The following LRRD1 variants were observed in gnomAD, a reference collection of about 807,000 sequenced individuals.
LRRD1 encodes leucine rich repeats and death domain containing 1.
Under a neutral mutation model 69.5 loss-of-function variants are expected in LRRD1, and 49 were observed. The ratio of observed to expected loss-of-function variants is 0.70; its 90% CI spans 0.56 to 0.89. LRRD1 has a LOEUF of 0.89. LRRD1 is among the 40% of genes least tolerant of loss of function. LRRD1 has a pLI of 0.00. For synonymous variants in LRRD1, 303 were observed against 338.9 expected (o/e 0.89, Z 1.16); for missense variants, 853 against 956.0 (o/e 0.89, Z 1.42).
Position 92,144,909 on chromosome 7 carries a change from A to T in LRRD1, c.2562T>A (p.Phe854Leu). 1 of 1,500,794 alleles carries T rather than the reference A, an allele frequency of 6.7e-7. No homozygotes were observed. Among genetic ancestry groups the T allele is most frequent in the East Asian group, 2.5e-5 (1 of 40,034 alleles). 93.0% of individuals were successfully genotyped at this position (1,500,794 alleles called of 1,614,324 possible). A position where few individuals can be genotyped will look rare whatever the true frequency, so the allele number is the denominator to read the frequency against. The change falls in exon 6 of 6, where the codon TTT (phenylalanine) becomes TTA (leucine). Residue 854 changes from phenylalanine to leucine, a missense_variant. This residue lies in a region of LRRD1 where 739 missense variants were observed against 808.0 expected (regional missense o/e 0.91). Coordinates refer to ENST00000458448, the MANE Select transcript of LRRD1 (RefSeq NM_001161528.2). ...CTGGTTAGAATTTAATTGCACGCGT[A>T]AAAAGATTTAAAGCTGTTATTTTGT... ...IMDKITALNL[F>L]TRAIKF
At chr7:92,143,673 C>A (rs560908879), downstream of LRRD1, among the ~76,000 whole-genome samples, 2 of 152,264 alleles carry the variant, frequency 1.3e-5, no homozygotes, top group East Asian at 3.9e-4. Context: ...CCGCAAGCAC[C>A]GCGTGCAGCC....
chr7:92,174,505 ATATATTTT>A (rs1789140634), intron 1 of LRRD1, among the ~76,000 whole-genome samples: 5 of 19,256 alleles, frequency 2.6e-4, no homozygotes, highest in African/African-American at 5.9e-4. Context: ...ATATATATAT[ATATATTTT>A]TTTTTTTTTT....
intron 1 of LRRD1, among the ~76,000 whole-genome samples, chr7:92,172,418 G>A (rs575003601): frequency 1.3e-5 from 2 of 152,154 alleles, no homozygotes; most frequent in African/African-American, 4.8e-5. Context: ...GTTCACAGGC[G>A]ATATTATTTT....
chr7:92,164,897 T>C lies in LRRD1; in HGVS notation c.306A>G (p.Ser102=). The C allele has an allele frequency of 6.4e-7, 1 of 1,551,568 alleles. No individual in the cohort carries two copies. Among genetic ancestry groups the C allele is most frequent in the African/African-American group, 1.4e-5 (1 of 73,146 alleles). The part of the protein sequence containing the change: ...TRTGTSQSLS[S]LTGRTAEYQA... Reference sequence around the variant, plus strand: ...GATATTCTGCAGTCCTCCCAGTTAGTGATGATAAACTCTGTGAAGTTCCTG... The same window carrying C: ...GATATTCTGCAGTCCTCCCAGTTAGCGATGATAAACTCTGTGAAGTTCCTG... The change falls in exon 2 of 6, where the codon TCA becomes TCG. Residue 102 remains serine (S), a synonymous_variant. Transcript: ENST00000458448.
chr7:92,164,503 C>G lies in LRRD1; in HGVS notation c.700G>C (p.Gly234Arg), dbSNP rs1584659192. 4 of 1,549,998 alleles carry G rather than the reference C, an allele frequency of 2.6e-6. No individual in the cohort carries two copies. The highest frequency in any genetic ancestry group is 3.5e-6 in the Non-Finnish European group (4 of 1,146,044). Residue 234 changes from glycine to arginine, a missense_variant, in exon 2 of 6, where the codon GGG (glycine) becomes CGG (arginine). By Grantham distance (125) the Gly-to-Arg change is moderately radical. Coordinates refer to ENST00000458448, the MANE Select transcript of LRRD1 (RefSeq NM_001161528.2). Reference sequence around the variant, plus strand: ...TAAAAAAAGAGTTGTCTGATATTCCCAAGCTGAGATATTTCTTTAGGTATA... The same window carrying G: ...TAAAAAAAGAGTTGTCTGATATTCCGAAGCTGAGATATTTCTTTAGGTATA... ...SHIPKEISQL[G>R]NIRQLFFYNN...
intron 3 of LRRD1, among the ~76,000 whole-genome samples, chr7:92,157,635 T>C (rs1323656653): frequency 6.6e-6 from 1 of 151,874 alleles, no homozygotes; most frequent in African/African-American, 2.4e-5. Context: ...AGTGGCACAA[T>C]CTCAGCTCAT....
chr7:92,161,835 G>A (rs1290327512), intron 2 of LRRD1, among the ~76,000 whole-genome samples: 1 of 152,152 alleles, frequency 6.6e-6, no homozygotes, highest in Non-Finnish European at 1.5e-5. Context: ...AATAGAACAT[G>A]TATAATTTCC....
chr7:92,163,947 T>C lies in LRRD1; in HGVS notation c.1256A>G (p.Asn419Ser). 1 of 1,537,550 alleles carries C rather than the reference T, an allele frequency of 6.5e-7. No homozygotes were observed. Among genetic ancestry groups the C allele is most frequent in the Non-Finnish European group, 8.8e-7 (1 of 1,141,954 alleles). ...TCTGTTTACATGGAGTTTTCTTAAA[T>C]TGTTAAGCTTATGGATGTACTTAGG... ...ELPKYIHKLN[N>S]LRKLHVNRNN... is the part of the protein sequence containing the mutation. Residue 419 changes from asparagine to serine, a missense_variant, in exon 2 of 6, where the codon AAT (asparagine) becomes AGT (serine). By Grantham distance (46) the Asn-to-Ser change is conservative. This residue lies in a region of LRRD1 where 739 missense variants were observed against 808.0 expected (regional missense o/e 0.91). Transcript: ENST00000458448.
chr7:92,146,121 T>G lies in LRRD1; in HGVS notation c.2358A>C (p.Leu786=). ...ETNFEFLCQK[L]NLANSETDMP... ...TATCAGTTTCTGAGTTTGCCAGGTTTAGTTTTTGACATAAAAATTCAAAAT... is the reference window on the plus strand; with the variant it reads ...TATCAGTTTCTGAGTTTGCCAGGTTGAGTTTTTGACATAAAAATTCAAAAT... The change falls in exon 5 of 6, where the codon CTA becomes CTC. Residue 786 remains leucine, a synonymous_variant. Transcript: ENST00000458448. 6.5e-7 allele frequency: 1 copy of G among 1,542,584 alleles called. No homozygotes were observed. Among genetic ancestry groups the G allele is most frequent in the Non-Finnish European group, 8.7e-7 (1 of 1,143,800 alleles).
chr7:92,172,462 A>C (rs1789077314), intron 1 of LRRD1, among the ~76,000 whole-genome samples: 1 of 152,188 alleles, frequency 6.6e-6, no homozygotes, highest in Admixed American at 6.5e-5. Context: ...CCACTAAAAA[A>C]TTTGTTAGAA....
intron 3 of LRRD1, among the ~76,000 whole-genome samples, chr7:92,157,742 A>AT (rs767940401): frequency 0.016 from 2,298 of 143,848 alleles, 46 homozygotes; most frequent in African/African-American, 0.044. Context: ...CACCTGACTA[A>AT]TTTTTTTTTT....
At chr7:92,157,865 C>T (rs1337954735) in intron 3 of LRRD1, among the ~76,000 whole-genome samples, 1 of 151,962 alleles carries the variant, frequency 6.6e-6, no homozygotes, top group Non-Finnish European at 1.5e-5. Flanking sequence ...GCATGAGCCA[C>T]CATGCCCGGC....
At chr7:92,172,169 T>C (rs1789071132) in intron 1 of LRRD1, among the ~76,000 whole-genome samples, 1 of 152,114 alleles carries the variant, frequency 6.6e-6, no homozygotes, top group African/African-American at 2.4e-5. Context: ...GTTTATGATA[T>C]CAACCCTCAA....
intron 1 of LRRD1, among the ~76,000 whole-genome samples, chr7:92,167,876 C>CAAAAAAAAAAAAAAAAAAAAAAAA (rs542619786): frequency 1.5e-4 from 7 of 46,200 alleles, no homozygotes; most frequent in African/African-American, 6.6e-4. Context: ...GACTCTGTCT[C>CAAAAAAAAAAAAAAAAAAAAAAAA]AAAAAAAAAA....
intron 1 of LRRD1, among the ~76,000 whole-genome samples, chr7:92,174,486 TATATATATATATATATATA>T (rs1563195684): frequency 1.2e-4 from 2 of 16,304 alleles, no homozygotes; most frequent in African/African-American, 2.5e-4. Flanking sequence ...TATATATATA[TATATATATATATATATATA>T]TATATTTTTT....
At chr7:92,151,818 G>A (rs1238736856) in intron 3 of LRRD1, among the ~76,000 whole-genome samples, 4 of 151,826 alleles carry the variant, frequency 2.6e-5, no homozygotes, top group Non-Finnish European at 5.9e-5. Flanking sequence ...GCATGGTGGT[G>A]GGCACCTGTA....
Position 92,164,962 on chromosome 7 carries a change from GTTC to G in LRRD1, c.238_240del (p.Glu80del). On this transcript the variant is annotated inframe_deletion, in exon 2 of 6. Transcript: ENST00000458448. ...TCAGAAAATTGAAGATTTTTCTTTT[GTTC>G]TTCATTTCTCTTAGACTTCCTTCCA... The G allele has an allele frequency of 6.4e-7, 1 of 1,551,248 alleles. No individual in the cohort carries two copies. The highest frequency in any genetic ancestry group is 1.2e-5 in the South Asian group (1 of 84,046).
chr7:92,175,863 A>G lies in LRRD1; in HGVS notation c.-75+3144T>C, dbSNP rs985538768. On this transcript the variant is annotated intron_variant, in intron 1 of 5. Transcript: ENST00000458448. ...ATTGTCTCCAACAATTTATTTTTCAATAGTAAATTATTCATTGATTTCTAA... is the reference window on the plus strand; with the variant it reads ...ATTGTCTCCAACAATTTATTTTTCAGTAGTAAATTATTCATTGATTTCTAA... Among the ~76,000 whole-genome samples, 20 of 152,362 alleles carry G rather than the reference A, an allele frequency of 1.3e-4. No individual in the cohort carries two copies. In the East Asian group the frequency reaches 3.7e-3, roughly 28 times the overall value.
chr7:92,156,443 C>CTATA (rs1230637611), intron 3 of LRRD1, among the ~76,000 whole-genome samples: 1 of 152,168 alleles, frequency 6.6e-6, no homozygotes, highest in Non-Finnish European at 1.5e-5. Flanking sequence ...TTTATAAACA[C>CTATA]TATATATCTC....
Sources: gnomAD v4.1 joint callset for allele counts (sites outside exome capture counted in the v4.1 genomes callset) on GRCh38, gnomAD v4.1.1 for gene constraint, gnomAD v4.1.1 regional missense constraint, MANE v1.5 for transcripts, NCBI Gene and HGNC (gene_info 2026-07-23, HGNC 2026-07-21) for gene names.